The following DSCAML1 variants were observed in gnomAD, a reference collection of about 807,000 sequenced individuals.
The protein encoded by DSCAML1 is DS cell adhesion molecule like 1, also known as cell adhesion molecule DSCAML1.
Under a neutral mutation model 200.5 loss-of-function variants are expected in DSCAML1, and 38 were observed. That is an observed-to-expected ratio of 0.19 (90% confidence interval 0.15 to 0.25). DSCAML1 has a LOEUF of 0.25. DSCAML1 is among the 10% of genes least tolerant of loss of function. DSCAML1 has a pLI of 1.00. For synonymous variants in DSCAML1, 1,215 were observed against 1,165.0 expected (o/e 1.04, Z -0.87); for missense variants, 2,223 against 2,858.8 (o/e 0.78, Z 5.07).
intron 3 of DSCAML1, among the ~76,000 whole-genome samples, chr11:117,691,776 C>T (rs1357613804): frequency 6.6e-6 from 1 of 152,070 alleles, no homozygotes; most frequent in South Asian, 2.1e-4. Flanking sequence ...TTTTTCTCCT[C>T]TCTTCTGCTC....
chr11:117,681,880 C>T (rs940219567), intron 3 of DSCAML1, among the ~76,000 whole-genome samples: 2 of 152,208 alleles, frequency 1.3e-5, no homozygotes, highest in Admixed American at 6.5e-5. Context: ...AATACCACTA[C>T]AGACTGATAG....
At chr11:117,431,905 A>G (rs574061134) in intron 30 of DSCAML1, among the ~76,000 whole-genome samples, 177 bp from the exon 31 acceptor site, 4 of 151,086 alleles carry the variant, frequency 2.6e-5, no homozygotes, top group African/African-American at 9.7e-5. Context: ...GAGAAGAGCA[A>G]TCGAGTCAAG....
At chr11:117,747,231 G>T (rs1441732838) in intron 3 of DSCAML1, among the ~76,000 whole-genome samples, 1 of 152,122 alleles carries the variant, frequency 6.6e-6, no homozygotes, top group Non-Finnish European at 1.5e-5. Flanking sequence ...CCTAACCGGT[G>T]TTCTCTCCAT....
chr11:117,710,464 GAA>G (rs1252580691), intron 3 of DSCAML1, among the ~76,000 whole-genome samples: 1 of 152,196 alleles, frequency 6.6e-6, no homozygotes, highest in Non-Finnish European at 1.5e-5. Context: ...GTGTTCTGGA[GAA>G]AGAGTCCCTC....
At chr11:117,718,406 A>G (rs1287586722) in intron 3 of DSCAML1, among the ~76,000 whole-genome samples, 1 of 152,230 alleles carries the variant, frequency 6.6e-6, no homozygotes, top group African/African-American at 2.4e-5. Flanking sequence ...GAACAAACTC[A>G]GTTCCAGCAT....
intron 1 of DSCAML1, among the ~76,000 whole-genome samples, chr11:117,783,102 C>A (rs887323625): frequency 3.3e-5 from 5 of 152,196 alleles, no homozygotes; most frequent in Non-Finnish European, 5.9e-5. Context: ...GGTGCACACA[C>A]ACATACATGC....
rs2134054361 is a variant in DSCAML1 at position 117,780,689 on chromosome 11, G to C, written c.168C>G (p.Ala56=). 1 of 1,589,232 alleles carries C rather than the reference G, an allele frequency of 6.3e-7. No individual in the cohort carries two copies. Among genetic ancestry groups the C allele is most frequent in the East Asian group, 2.3e-5 (1 of 43,132 alleles). ...PCPAAGSPSA[A]LRWYLATGDD... ...CCCCTGTGGCCAGGTACCATCGAAG[G>C]GCCGCGCTGGGGGAGCCCGCGGCCG... Residue 56 remains alanine (A), a synonymous_variant, in exon 2 of 33, where the codon GCC becomes GCG. Coordinates refer to ENST00000651296, the MANE Select transcript of DSCAML1 (RefSeq NM_020693.4). The surrounding 1 kb of genome is among the most constrained non-coding windows in gnomAD (Gnocchi z 4.8).
chr11:117,457,759 G>C (rs77497013), intron 19 of DSCAML1, among the ~76,000 whole-genome samples: 1 of 152,178 alleles, frequency 6.6e-6, no homozygotes, highest in Admixed American at 6.5e-5. Context: ...CAGCCGAGTC[G>C]TTCCTTTTCA....
intron 3 of DSCAML1, among the ~76,000 whole-genome samples, chr11:117,737,117 C>T (rs1238232401): frequency 6.6e-6 from 1 of 152,170 alleles, no homozygotes. Context: ...GCAACGCTGT[C>T]CAGCTGAAAG....
rs377333670 is a variant in DSCAML1, at chr11:117,516,020, G to C, written c.1783+447C>G. Among the ~76,000 whole-genome samples, 115 of 152,286 alleles carry C rather than the reference G, an allele frequency of 7.6e-4. 1 individual carries two copies. Among genetic ancestry groups the C allele is most frequent in the African/African-American group, 2.6e-3 (110 of 41,548 alleles). ...GTCCTGTAGAAGCAGCCTGGGTACT[G>C]TGTATCCCACAGGGGGTCAGGGCTC... On this transcript the variant is annotated intron_variant, in intron 8 of 32. Coordinates refer to ENST00000651296, the MANE Select transcript of DSCAML1 (RefSeq NM_020693.4). This position sits in a 1 kb window ranked among gnomAD's most constrained non-coding sequence, Gnocchi z 5.7.
intron 3 of DSCAML1, among the ~76,000 whole-genome samples, chr11:117,675,506 A>C (rs1258279053): frequency 8.3e-6 from 1 of 121,108 alleles, no homozygotes; most frequent in African/African-American, 3.3e-5. Context: ...TTTTAGAGAC[A>C]GGGTCTCACC....
In DSCAML1 at chr11:117,518,739, A is replaced by G; in HGVS notation, c.1237T>C (p.Ser413Pro). ...LEDGTPRIVSSFSEKVVNPGE... is the reference protein window; with the variant it reads ...LEDGTPRIVSPFSEKVVNPGE... ...GGGTTGACCACCTTCTCGCTGAAGG[A>G]CGAGACGATGCGGGGCGTGCCATCT... is the stretch of plus-strand genomic sequence containing the variant. The change falls in exon 7 of 33, where the codon TCC (serine) becomes CCC (proline). Residue 413 changes from serine to proline, a missense_variant. Physicochemically the swap from Ser to Pro is moderately conservative, Grantham distance 74 (BLOSUM62 -1). Coordinates refer to ENST00000651296, the MANE Select transcript of DSCAML1 (RefSeq NM_020693.4). This position sits in a 1 kb window ranked among gnomAD's most constrained non-coding sequence, Gnocchi z 6.3. The G allele has an allele frequency of 6.2e-7, 1 of 1,612,388 alleles. No individual in the cohort carries two copies. The highest frequency in any genetic ancestry group is 8.5e-7 in the Non-Finnish European group (1 of 1,179,988).
chr11:117,635,279 G>C (rs1020354433), intron 3 of DSCAML1, among the ~76,000 whole-genome samples: 1 of 152,134 alleles, frequency 6.6e-6, no homozygotes, highest in South Asian at 2.1e-4. Context: ...AGCTCTACTC[G>C]CCCATTCTTT....
chr11:117,613,550 A>G (rs762311567), intron 3 of DSCAML1, among the ~76,000 whole-genome samples: 10 of 152,208 alleles, frequency 6.6e-5, no homozygotes, highest in Admixed American at 1.3e-4. Flanking sequence ...AAAAGTCAAC[A>G]CCAGCTCATT....
Position 117,471,934 on chromosome 11 carries a change from T to A in DSCAML1, c.2888A>T (p.Tyr963Phe), listed in dbSNP as rs1162387117. 1 of 1,614,008 alleles carries A rather than the reference T, an allele frequency of 6.2e-7. No individual in the cohort carries two copies. The highest frequency in any genetic ancestry group is 2.2e-5 in the East Asian group (1 of 44,872). ...HPASVYSIRM[Y>F]SFNKIGRSEP... Reference sequence around the variant, plus strand: ...ACTGCGGCCAATCTTGTTGAAAGAGTACATGCGGATGCTGTACACAGATGC... The same window carrying A: ...ACTGCGGCCAATCTTGTTGAAAGAGAACATGCGGATGCTGTACACAGATGC... Residue 963 changes from tyrosine (Y) to phenylalanine (F), a missense_variant, in exon 15 of 33, where the codon TAC (tyrosine) becomes TTC (phenylalanine). Coordinates refer to ENST00000651296, the MANE Select transcript of DSCAML1 (RefSeq NM_020693.4).
chr11:117,505,188 A>C lies in DSCAML1; in HGVS notation c.2063-145T>G. The C allele has an allele frequency of 1.5e-6, 2 of 1,310,366 alleles. No individual in the cohort carries two copies. Among genetic ancestry groups the C allele is most frequent in the African/African-American group, 1.5e-5 (1 of 67,930 alleles). 81.2% of individuals were successfully genotyped at this position (1,310,366 alleles called of 1,614,324 possible). On this transcript the variant is annotated intron_variant, in intron 9 of 32. Coordinates refer to ENST00000651296, the MANE Select transcript of DSCAML1 (RefSeq NM_020693.4). This position sits in a 1 kb window ranked among gnomAD's most constrained non-coding sequence, Gnocchi z 6.7. ...GCAGTTTCTGAAACCCAAGATGCTGAGAACTTTTGTTGAGTACTGGGTAGG... is the reference window on the plus strand; with the variant it reads ...GCAGTTTCTGAAACCCAAGATGCTGCGAACTTTTGTTGAGTACTGGGTAGG...
At chr11:117,755,654 G>T (rs1259619930) in intron 3 of DSCAML1, among the ~76,000 whole-genome samples, 3 of 152,172 alleles carry the variant, frequency 2.0e-5, no homozygotes, top group African/African-American at 4.8e-5. Flanking sequence ...CCATTTTAAA[G>T]GATTCTTGGT....
At chr11:117,509,214 G>A (rs1242121214) in intron 8 of DSCAML1, among the ~76,000 whole-genome samples, 1 of 152,118 alleles carries the variant, frequency 6.6e-6, no homozygotes, top group Non-Finnish European at 1.5e-5. Context: ...CAGCTTCATG[G>A]AGGAGTGGAA....
At chr11:117,459,345 G>T (rs1392797789) in intron 18 of DSCAML1, among the ~76,000 whole-genome samples, 2 of 152,210 alleles carry the variant, frequency 1.3e-5, no homozygotes, top group Admixed American at 6.5e-5. Flanking sequence ...TGGCCAGCCC[G>T]CCTTGGGCCG....
Sources: allele counts gnomAD v4.1 joint callset (sites outside exome capture counted in the v4.1 genomes callset), GRCh38; gene constraint gnomAD v4.1.1; non-coding constraint Gnocchi (gnomAD v3.1); transcripts MANE v1.5; gene names NCBI Gene and HGNC (gene_info 2026-07-23, HGNC 2026-07-21).